The following MTHFD1L variants were observed in gnomAD, a reference collection of about 807,000 sequenced individuals.
The protein encoded by MTHFD1L is monofunctional C1-tetrahydrofolate synthase, mitochondrial.
MTHFD1L carries 81 observed loss-of-function variants against 119.5 expected under a neutral mutation model. The observed-to-expected ratio is 0.68, with a 90% CI of 0.57 to 0.82. The LOEUF (loss-of-function observed/expected upper bound fraction) is 0.82, where lower values mean the gene tolerates loss of function less well. Ranked by LOEUF, MTHFD1L falls within the 40% of genes least tolerant of loss-of-function variation. MTHFD1L has a pLI of 0.00. For synonymous variants in MTHFD1L, 430 were observed against 475.2 expected (o/e 0.90, Z 1.24); for missense variants, 1,125 against 1,253.4 (o/e 0.90, Z 1.55).
chr6:151,093,277 T>C (rs1288863371), intron 27 of MTHFD1L, among the ~76,000 whole-genome samples: 1 of 152,188 alleles, frequency 6.6e-6, no homozygotes, highest in Non-Finnish European at 1.5e-5. Context: ...TCTCCCTGTG[T>C]CTGTGTCTTC....
chr6:150,939,683 C>CT lies in MTHFD1L; in HGVS notation c.1440+957dup, dbSNP rs751835547. 2.3e-3 allele frequency among the ~76,000 whole-genome samples: 254 copies of CT among 108,410 alleles called. 3 individuals are homozygous for CT. Among genetic ancestry groups the CT allele is most frequent in the South Asian group, 6.7e-3 (23 of 3,428 alleles). 71.1% of individuals were successfully genotyped at this position (108,410 alleles called of 152,430 possible). A position where few individuals can be genotyped will look rare whatever the true frequency, so the allele number is the denominator to read the frequency against. ...TACTGCGTCAAGCTCCTTGCAGACT[C>CT]TTTTTTTTTTTTTTTTTTTGAGACA... On this transcript the variant is annotated intron_variant, in intron 13 of 27. Coordinates refer to ENST00000367321, the MANE Select transcript of MTHFD1L (RefSeq NM_015440.5).
rs1791815997 is a variant in MTHFD1L at position 150,935,065 on chromosome 6, G to A, written c.1257-1739G>A. 3.7e-6 allele frequency: 6 copies of A among 1,613,900 alleles called. No homozygotes were observed. The East Asian group carries it at 6.7e-5, about 18-fold the overall frequency. ...TTCTGGGTTTGGACTGTGCTGGAAA[G>A]ACAACTGTCTTATACAGGCTGCAGT... On this transcript the variant is annotated intron_variant, in intron 11 of 27. Coordinates refer to ENST00000367321, the MANE Select transcript of MTHFD1L (RefSeq NM_015440.5).
At chr6:150,975,514 T>C (rs897270970) in intron 20 of MTHFD1L, among the ~76,000 whole-genome samples, 1 of 152,224 alleles carries the variant, frequency 6.6e-6, no homozygotes, top group Non-Finnish European at 1.5e-5. Flanking sequence ...ACACATATAT[T>C]TTTTAATTCC....
chr6:151,051,777 G>A (rs1004958469), intron 26 of MTHFD1L, among the ~76,000 whole-genome samples: 8 of 152,180 alleles, frequency 5.3e-5, no homozygotes, highest in South Asian at 2.1e-4. Context: ...GTTCAAATAC[G>A]GCAGAGACCA....
intron 18 of MTHFD1L, among the ~76,000 whole-genome samples, chr6:150,963,965 C>G (rs879645248): frequency 6.6e-5 from 10 of 151,998 alleles, no homozygotes; most frequent in Non-Finnish European, 1.3e-4. Context: ...CAGGAGTTCG[C>G]GACCAGCCTG....
At chr6:150,929,352 A>G (rs1402884793) in intron 11 of MTHFD1L, among the ~76,000 whole-genome samples, 1 of 152,158 alleles carries the variant, frequency 6.6e-6, no homozygotes, top group East Asian at 1.9e-4. Context: ...TTCAGATAGG[A>G]ACACTTAAGG....
chr6:150,882,697 C>T lies in MTHFD1L; in HGVS notation c.418-65C>T, dbSNP rs567655307. 141 of 1,191,678 alleles carry T rather than the reference C, an allele frequency of 1.2e-4. No individual in the cohort carries two copies. The East Asian group carries it at 3.0e-3, about 25-fold the overall frequency. The allele number at this position is 1,191,678 out of a possible 1,614,324, so 73.8% of individuals were successfully genotyped here. ...TCATGAATCCACTTTTTATATAAAG[C>T]TTCCTTTGTTGGGTCTCATTTTCAC... is the stretch of plus-strand genomic sequence containing the variant. On this transcript the variant is annotated intron_variant, in intron 4 of 27. Transcript: ENST00000367321.
At chr6:150,936,972 G>A in intron 12 of MTHFD1L, 32 bp downstream of exon 12, 1 of 1,604,166 alleles carries the variant, frequency 6.2e-7, no homozygotes. Context: ...GTACTTTTCA[G>A]GGCAAAGTTG....
chr6:150,937,073 T>A, intron 12 of MTHFD1L, 133 bp downstream of exon 12: 1 of 1,113,764 alleles, frequency 9.0e-7, no homozygotes, highest in Non-Finnish European at 1.2e-6. Flanking sequence ...GCACACTCAG[T>A]ACATAGTGGT....
chr6:150,866,477 C>G, intron 1 of MTHFD1L: 1 of 1,317,958 alleles, frequency 7.6e-7, no homozygotes, highest in Non-Finnish European at 9.6e-7. Context: ...GCCGGCTGGC[C>G]CGGGGTTCGG....
intron 1 of MTHFD1L, among the ~76,000 whole-genome samples, chr6:150,873,621 A>G (rs2128732339): frequency 6.6e-6 from 1 of 152,188 alleles, no homozygotes; most frequent in East Asian, 1.9e-4. Context: ...TTAAAAATGC[A>G]CATTTCTGGG....
At chr6:150,968,178 C>T (rs1042751362) in intron 19 of MTHFD1L, among the ~76,000 whole-genome samples, 11 of 152,078 alleles carry the variant, frequency 7.2e-5, no homozygotes, top group Non-Finnish European at 1.6e-4. Flanking sequence ...GCACAGAATG[C>T]TGAGAGCTTC....
At position 151,036,949 on chromosome 6, in the gene MTHFD1L, C is replaced by T. The variant is rs780638100; in HGVS notation, c.2695-16C>T. 6 of 1,611,910 alleles carry T rather than the reference C, an allele frequency of 3.7e-6. No homozygotes were observed. Among genetic ancestry groups the T allele is most frequent in the Non-Finnish European group, 5.1e-6 (6 of 1,179,742 alleles). On this transcript the variant is annotated splice_polypyrimidine_tract_variant and intron_variant, in intron 25 of 27. Coordinates refer to ENST00000367321, the MANE Select transcript of MTHFD1L (RefSeq NM_015440.5). ...ACATCTGTATCAGTGAACACATTTT[C>T]TTTCCTTTCTCACAGGGTTTTGGAA...
intron 4 of MTHFD1L, among the ~76,000 whole-genome samples, chr6:150,879,167 A>G (rs1780953739): frequency 6.6e-6 from 1 of 152,212 alleles, no homozygotes; most frequent in African/African-American, 2.4e-5. Flanking sequence ...CACACTTGCC[A>G]TTGTAGCGTG....
chr6:150,981,345 T>A (rs1777464511), intron 20 of MTHFD1L, among the ~76,000 whole-genome samples: 1 of 152,176 alleles, frequency 6.6e-6, no homozygotes, highest in African/African-American at 2.4e-5. Flanking sequence ...AAACCTCACA[T>A]GAGTAGTATT....
chr6:150,985,226 C>T (rs1778107715), intron 20 of MTHFD1L: 2 of 152,010 alleles, frequency 1.3e-5, no homozygotes, highest in Non-Finnish European at 2.9e-5. Context: ...TACTTTTTTC[C>T]ATCTTTTTTC....
chr6:150,892,818 G>C (rs1303365037), intron 7 of MTHFD1L, among the ~76,000 whole-genome samples: 1 of 152,126 alleles, frequency 6.6e-6, no homozygotes, highest in South Asian at 2.1e-4. Context: ...GAATGTATGG[G>C]GCAGAAAACC....
chr6:151,066,340 G>A (rs1791248666), intron 26 of MTHFD1L, among the ~76,000 whole-genome samples: 1 of 150,804 alleles, frequency 6.6e-6, no homozygotes, highest in South Asian at 2.1e-4. Flanking sequence ...AGGAGGCTGA[G>A]GCAGGGGAAT....
intron 27 of MTHFD1L, chr6:151,100,057 G>A (rs1237076842): frequency 1.0e-5 from 6 of 583,916 alleles, no homozygotes; most frequent in African/African-American, 6.1e-5. Context: ...TTTTTGAGAC[G>A]CAGTCTCGCT....
Sources: allele counts gnomAD v4.1 joint callset (sites outside exome capture counted in the v4.1 genomes callset), GRCh38; gene constraint gnomAD v4.1.1; transcripts MANE v1.5; gene names NCBI Gene and HGNC (gene_info 2026-07-23, HGNC 2026-07-21).